HEPH: variants seen among roughly 807,000 people sequenced by gnomAD.
The protein encoded by HEPH is hephaestin.
HEPH carries 69 observed loss-of-function variants against 80.8 expected under a neutral mutation model. The observed-to-expected ratio is 0.85, with a 90% confidence interval of 0.70 to 1.04. HEPH has a LOEUF of 1.04. Ranked by LOEUF, HEPH falls within the 50% of genes least tolerant of loss-of-function variation. HEPH has a pLI of 0.00. For synonymous variants in HEPH, 431 were observed against 322.8 expected, an observed-to-expected ratio of 1.34 and a Z score of -3.60; for missense variants, 1,115 against 891.3, an observed-to-expected ratio of 1.25 and a Z score of -3.20.
intron 15 of HEPH, among the ~76,000 whole-genome samples, 198 bp downstream of exon 15, chrX:66,208,444 C>A (rs748899347): frequency 2.8e-5 from 3 of 106,553 alleles, no homozygotes; most frequent in African/African-American, 1.0e-4. Context: ...CATGGTGAAC[C>A]CTCATCTCTA....
At chrX:66,194,045 T>G (rs1370615682) in intron 8 of HEPH, among the ~76,000 whole-genome samples, 1 of 111,640 alleles carries the variant, frequency 9.0e-6, no homozygotes, top group Non-Finnish European at 1.9e-5. Context: ...CAGATTGGCA[T>G]GACATGCAGA....
At chrX:66,182,077 G>T (rs1446841586) in intron 4 of HEPH, among the ~76,000 whole-genome samples, 2 of 103,180 alleles carry the variant, frequency 1.9e-5, no homozygotes, top group African/African-American at 7.1e-5. Context: ...TTTGGTACCA[G>T]TACCATGCTG....
chrX:66,261,670 G>T (rs1456804), intron 19 of HEPH, among the ~76,000 whole-genome samples: 1 of 109,693 alleles, frequency 9.1e-6, no homozygotes, highest in African/African-American at 3.3e-5. Flanking sequence ...TTGAATATTC[G>T]TACAGACTTA....
intron 5 of HEPH, 129 bp downstream of exon 5, chrX:66,188,670 G>C: frequency 2.0e-6 from 1 of 499,032 alleles, no homozygotes; most frequent in Non-Finnish European, 3.3e-6. Context: ...AGGAGTAGTA[G>C]ATGGCTCTTC....
At chrX:66,206,032 AC>A (rs1319147134) in intron 13 of HEPH, among the ~76,000 whole-genome samples, 1 of 110,640 alleles carries the variant, frequency 9.0e-6, no homozygotes, top group Admixed American at 9.7e-5. Context: ...GCACCTACCT[AC>A]CCCATAGGCC....
At chrX:66,178,449 G>T (rs981223657) in intron 4 of HEPH, among the ~76,000 whole-genome samples, 7 of 112,069 alleles carry the variant, frequency 6.2e-5, no homozygotes, top group Non-Finnish European at 1.1e-4. Flanking sequence ...TAATCCTTTG[G>T]GTATATACCC....
chrX:66,192,257 G>A lies in HEPH; in HGVS notation c.1191G>A (p.Gly397=). ...TTCAATGGGACTATGGCCCGATGGGGCATGATGGGAGTACTGGGAAGAATT... is the reference window on the plus strand; with the variant it reads ...TTCAATGGGACTATGGCCCGATGGGACATGATGGGAGTACTGGGAAGAATT... The part of the protein sequence containing the change: ...HEIQWDYGPM[G]HDGSTGKNLR... Residue 397 remains glycine, a synonymous_variant, in exon 7 of 21, where the codon GGG becomes GGA. Transcript: ENST00000343002. 1.7e-6 allele frequency: 2 copies of A among 1,210,931 alleles called. No individual in the cohort carries two copies. Among genetic ancestry groups the A allele is most frequent in the Non-Finnish European group, 2.2e-6 (2 of 894,861 alleles).
chrX:66,186,337 G>C (rs2087434123), intron 4 of HEPH, among the ~76,000 whole-genome samples: 1 of 108,274 alleles, frequency 9.2e-6, no homozygotes, highest in Non-Finnish European at 1.9e-5. Flanking sequence ...TCAGACTGCT[G>C]TGCTAGCAAT....
chrX:66,222,504 A>G (rs1000675429), intron 15 of HEPH, among the ~76,000 whole-genome samples: 17 of 112,111 alleles, frequency 1.5e-4, no homozygotes, highest in African/African-American at 5.2e-4. Context: ...TAATTGCCAA[A>G]GTTTGTTTTA....
Position 66,170,660 on chromosome X carries a change from G to T in HEPH, c.90G>T (p.Leu30=). Reference sequence around the variant, plus strand: ...ATGGAGCCACTCGAGTCTACTACCTGGGCATCCGGGATGTGCAGTGGAACT... The same window carrying T: ...ATGGAGCCACTCGAGTCTACTACCTTGGCATCCGGGATGTGCAGTGGAACT... ...LTDGATRVYY[L]GIRDVQWNYA... The change falls in exon 2 of 21, where the codon CTG becomes CTT. Residue 30 remains leucine, a synonymous_variant. Transcript: ENST00000343002. 1 of 1,210,297 alleles carries T rather than the reference G, an allele frequency of 8.3e-7. No individual in the cohort carries two copies. Among genetic ancestry groups the T allele is most frequent in the Non-Finnish European group, 1.1e-6 (1 of 894,614 alleles).
At chrX:66,251,976 G>A in intron 15 of HEPH, among the ~76,000 whole-genome samples, 1 of 112,166 alleles carries the variant, frequency 8.9e-6, no homozygotes, top group African/African-American at 3.2e-5. Flanking sequence ...TTGTTGTTAT[G>A]TGAAGCATAT....
intron 4 of HEPH, among the ~76,000 whole-genome samples, chrX:66,176,451 T>A (rs1171568204): frequency 8.9e-6 from 1 of 111,753 alleles, no homozygotes; most frequent in Non-Finnish European, 1.9e-5. Context: ...GCTAAGGATT[T>A]TAGGACCTAT....
chrX:66,224,909 T>TTC (rs770305159), intron 15 of HEPH, among the ~76,000 whole-genome samples: 3 of 109,475 alleles, frequency 2.7e-5, no homozygotes, highest in Admixed American at 9.8e-5. Flanking sequence ...CTCTGTCTCT[T>TTC]TCTCTCTCTC....
In HEPH at chrX:66,208,181, C is replaced by A; in HGVS notation, c.2498C>A (p.Pro833His). 1 of 1,207,281 alleles carries A rather than the reference C, an allele frequency of 8.3e-7. No individual in the cohort carries two copies. Among genetic ancestry groups the A allele is most frequent in the South Asian group, 1.8e-5 (1 of 56,675 alleles). Residue 833 changes from proline (P) to histidine (H), a missense_variant, in exon 15 of 21, where the codon CCC (proline) becomes CAC (histidine). This residue lies in a region of HEPH where 716 missense variants were observed against 523.5 expected (regional missense o/e 1.37). Coordinates refer to ENST00000343002, the MANE Select transcript of HEPH (RefSeq NM_001367233.3). The stretch of plus-strand genomic sequence containing the variant: ...GTATTCAAGAATAATGCCAGCCGCC[C>A]CTACTCTGTGCATGCTCATGGAGTG... ...TVVFKNNASRPYSVHAHGVLE... is the reference protein window; with the variant it reads ...TVVFKNNASRHYSVHAHGVLE...
intron 20 of HEPH, among the ~76,000 whole-genome samples, chrX:66,265,576 G>A (rs978760864): frequency 9.0e-6 from 1 of 110,929 alleles, no homozygotes; most frequent in Non-Finnish European, 1.9e-5. Context: ...GGGGGTACAA[G>A]GTACAGGCGC....
Position 66,204,343 on chromosome X carries a change from C to T in HEPH, c.2291+766C>T, listed in dbSNP as rs376858084. On this transcript the variant is annotated intron_variant, in intron 13 of 20. Coordinates refer to ENST00000343002, the MANE Select transcript of HEPH (RefSeq NM_001367233.3). ...CTATTACTAAAAAAGAAGGAGAGAA[C>T]GGAAATGGAGATACAAATTAGCAGT... 2.1e-4 allele frequency among the ~76,000 whole-genome samples: 23 copies of T among 112,088 alleles called. 1 individual carries two copies. In the East Asian group the frequency reaches 2.8e-3, roughly 14 times the overall value.
chrX:66,229,167 GATAGAT>G (rs1388741260), intron 15 of HEPH, among the ~76,000 whole-genome samples: 2 of 111,512 alleles, frequency 1.8e-5, no homozygotes, highest in African/African-American at 6.5e-5. Flanking sequence ...TAAAATGTGA[GATAGAT>G]ATAGATATAG....
intron 15 of HEPH, among the ~76,000 whole-genome samples, chrX:66,242,049 G>C (rs1396147338): frequency 9.3e-6 from 1 of 107,202 alleles, no homozygotes; most frequent in Non-Finnish European, 1.9e-5. Flanking sequence ...AAAATAGCTT[G>C]AGTAGGCAAG....
At chrX:66,236,309 A>G (rs1176868230) in intron 15 of HEPH, among the ~76,000 whole-genome samples, 1 of 111,483 alleles carries the variant, frequency 9.0e-6, no homozygotes, top group Admixed American at 9.6e-5. Context: ...GTTTATTGAG[A>G]GTTTTTAACA....
Sources: gnomAD v4.1 joint callset for allele counts (sites outside exome capture counted in the v4.1 genomes callset) on GRCh38, gnomAD v4.1.1 for gene constraint, gnomAD v4.1.1 regional missense constraint, MANE v1.5 for transcripts, NCBI Gene and HGNC (gene_info 2026-07-23, HGNC 2026-07-21) for gene names.